The following SV2B variants were observed in gnomAD, a reference collection of about 807,000 sequenced individuals.
SV2B encodes synaptic vesicle glycoprotein 2B.
In SV2B, 41 loss-of-function variants were observed where a neutral mutation model predicts 73.9. The observed-to-expected ratio is 0.56, with a 90% CI of 0.43 to 0.72. The LOEUF (loss-of-function observed/expected upper bound fraction) is 0.72, where lower values mean the gene tolerates loss of function less well. Among genes scored for constraint, SV2B ranks in the 30% least tolerant of loss-of-function variants. SV2B has a pLI of 0.00. For missense variants in SV2B, 764 were observed against 857.8 expected, an observed-to-expected ratio of 0.89 and a Z score of 1.37; for synonymous variants, 314 against 314.2, an observed-to-expected ratio of 1.00 and a Z score of 0.01.
intron 9 of SV2B, among the ~76,000 whole-genome samples, chr15:91,270,188 C>A (rs546045488): frequency 6.6e-6 from 1 of 152,330 alleles, no homozygotes; most frequent in African/African-American, 2.4e-5. Flanking sequence ...GACCTCATTT[C>A]TGAAGTTCCC....
intron 1 of SV2B, among the ~76,000 whole-genome samples, chr15:91,142,918 AT>A (rs1248921872): frequency 6.6e-5 from 10 of 152,214 alleles, no homozygotes; most frequent in African/African-American, 2.4e-4. Context: ...ATACTCTTAC[AT>A]TTTTACAGCT....
chr15:91,194,551 A>T (rs1486624224), intron 1 of SV2B, among the ~76,000 whole-genome samples: 2 of 152,204 alleles, frequency 1.3e-5, no homozygotes, highest in Non-Finnish European at 2.9e-5. Context: ...CCTCTCTCTG[A>T]AACTTTCTGG....
intron 1 of SV2B, among the ~76,000 whole-genome samples, chr15:91,186,294 G>A (rs1334414103): frequency 7.5e-6 from 1 of 134,178 alleles, no homozygotes; most frequent in Non-Finnish European, 1.6e-5. Flanking sequence ...TTAATGAAAT[G>A]AACTATACAG....
chr15:91,281,061 G>A lies in SV2B; in HGVS notation c.1374-667G>A, dbSNP rs2048667442. ...CCATTATATGGCATCTATTACATATGTATGTATGTAGTAATCCATTGTTGT... is the reference window on the plus strand; with the variant it reads ...CCATTATATGGCATCTATTACATATATATGTATGTAGTAATCCATTGTTGT... On this transcript the variant is annotated intron_variant, in intron 9 of 12. Transcript: ENST00000394232. This position sits in a 1 kb window ranked among gnomAD's most constrained non-coding sequence, Gnocchi z 4.7. 6.6e-6 allele frequency among the ~76,000 whole-genome samples: 1 copy of A among 152,146 alleles called. No homozygotes were observed. Among genetic ancestry groups the A allele is most frequent in the African/African-American group, 2.4e-5 (1 of 41,416 alleles).
rs1037580021 is a variant in SV2B, at chr15:91,224,936, G to A, written c.-391-937G>A. ...AATTGGGATATAGGATGAGATCTTG[G>A]CTCTAGACAACATTGCCTCCTGGTG... On this transcript the variant is annotated intron_variant, in intron 1 of 12. Transcript: ENST00000394232. The surrounding 1 kb of genome is among the most constrained non-coding windows in gnomAD (Gnocchi z 4.9). Among the ~76,000 whole-genome samples the A allele has an allele frequency of 4.6e-5, 7 of 152,100 alleles. No individual in the cohort carries two copies. Among genetic ancestry groups the A allele is most frequent in the Non-Finnish European group, 8.8e-5 (6 of 68,026 alleles).
In SV2B at chr15:91,205,383, TTA is replaced by T. The variant is rs571540663; in HGVS notation, c.-391-20489_-391-20488del. 5.2e-3 allele frequency among the ~76,000 whole-genome samples: 790 copies of T among 152,066 alleles called. 4 individuals carry two copies. Among genetic ancestry groups the T allele is most frequent in the African/African-American group, 0.018 (738 of 41,504 alleles). On this transcript the variant is annotated intron_variant, in intron 1 of 12. Transcript: ENST00000394232. ...AGGATAACATTTCTTTTTTTTTTTT[TTA>T]AACACAGGGTCTCACTCTGTTGCCC... is the stretch of plus-strand genomic sequence containing the variant.
chr15:91,268,596 T>A lies in SV2B; in HGVS notation c.1364T>A (p.Val455Glu). The A allele has an allele frequency of 6.2e-7, 1 of 1,613,074 alleles. No homozygotes were observed. The highest frequency in any genetic ancestry group is 1.3e-5 in the African/African-American group (1 of 75,048). ...CAGATCCACCAACATGGGAAACTTGTGAATGATAAGTAAGTGAGTGATCAC... is the reference window on the plus strand; with the variant it reads ...CAGATCCACCAACATGGGAAACTTGAGAATGATAAGTAAGTGAGTGATCAC... ...ENQIHQHGKL[V>E]NDKFTRMYFK... is the part of the protein sequence containing the mutation. Residue 455 changes from valine to glutamate, a missense_variant, in exon 9 of 13, where the codon GTG (valine) becomes GAG (glutamate). Coordinates refer to ENST00000394232, the MANE Select transcript of SV2B (RefSeq NM_001323032.3). This position sits in a 1 kb window ranked among gnomAD's most constrained non-coding sequence, Gnocchi z 4.4.
At chr15:91,163,855 T>C (rs2043815316) in intron 1 of SV2B, among the ~76,000 whole-genome samples, 1 of 152,234 alleles carries the variant, frequency 6.6e-6, no homozygotes, top group Admixed American at 6.5e-5. Flanking sequence ...ATGTCCTGAA[T>C]GGTATTGCCT....
rs967770734 is a variant in SV2B, at chr15:91,138,604, CTTT to C, written c.-392+38247_-392+38249del. ...TGCATCTGTACTAAATGGGTACAGA[CTTT>C]TTTTTCTTGTAATTATTCCCAAAAC... is the stretch of plus-strand genomic sequence containing the variant. On this transcript the variant is annotated intron_variant, in intron 1 of 12. Coordinates refer to ENST00000394232, the MANE Select transcript of SV2B (RefSeq NM_001323032.3). Among the ~76,000 whole-genome samples the C allele has an allele frequency of 3.3e-5, 5 of 151,986 alleles. No individual in the cohort carries two copies. In the South Asian group the frequency reaches 1.0e-3, roughly 32 times the overall value.
intron 2 of SV2B, among the ~76,000 whole-genome samples, chr15:91,249,414 A>G (rs1168921819): frequency 6.6e-6 from 1 of 152,208 alleles, no homozygotes; most frequent in Non-Finnish European, 1.5e-5. Context: ...TCACTCATAG[A>G]TAATCATACA....
At chr15:91,291,482 T>C (rs1471360501) in intron 12 of SV2B, among the ~76,000 whole-genome samples, 1 of 152,130 alleles carries the variant, frequency 6.6e-6, no homozygotes, top group Admixed American at 6.5e-5. Flanking sequence ...AGAGGTAGCA[T>C]TGGGAATATT....
In SV2B at chr15:91,268,583, C is replaced by T. The variant is rs747795228; in HGVS notation, c.1351C>T (p.His451Tyr). The T allele has an allele frequency of 6.2e-7, 1 of 1,613,442 alleles. No homozygotes were observed. Among genetic ancestry groups the T allele is most frequent in the Non-Finnish European group, 8.5e-7 (1 of 1,179,440 alleles). ...CACGATGGAAAATCAGATCCACCAA[C>T]ATGGGAAACTTGTGAATGATAAGTA... ...NFTMENQIHQHGKLVNDKFTR... is the reference protein window; with the variant it reads ...NFTMENQIHQYGKLVNDKFTR... Residue 451 changes from histidine to tyrosine, a missense_variant, in exon 9 of 13, where the codon CAT (histidine) becomes TAT (tyrosine). By Grantham distance (83) the His-to-Tyr change is moderately conservative. Transcript: ENST00000394232. This position sits in a 1 kb window ranked among gnomAD's most constrained non-coding sequence, Gnocchi z 4.4.
chr15:91,218,622 C>T (rs1363838960), intron 1 of SV2B, among the ~76,000 whole-genome samples: 3 of 152,164 alleles, frequency 2.0e-5, no homozygotes, highest in African/African-American at 7.2e-5. Context: ...AACATTTTCT[C>T]GGGCTTTGTC....
chr15:91,248,188 G>T (rs981068672), intron 2 of SV2B, among the ~76,000 whole-genome samples: 1 of 152,114 alleles, frequency 6.6e-6, no homozygotes, highest in African/African-American at 2.4e-5. Context: ...GGGCGTGGTG[G>T]TGGGCGCCTG....
Position 91,252,628 on chromosome 15 carries a change from G to T in SV2B, c.784+108G>T. The T allele has an allele frequency of 1.7e-6, 2 of 1,201,742 alleles. No individual in the cohort carries two copies. Among genetic ancestry groups the T allele is most frequent in the South Asian group, 5.8e-5 (2 of 34,410 alleles). The allele number at this position is 1,201,742 out of a possible 1,614,324, so 74.4% of individuals were successfully genotyped here. On this transcript the variant is annotated intron_variant, in intron 4 of 12. Transcript: ENST00000394232. This position sits in a 1 kb window ranked among gnomAD's most constrained non-coding sequence, Gnocchi z 4.6. Reference sequence around the variant, plus strand: ...TTCCATGTACTCACGCACAGTTCCCGTACGTGACCTTGATCTTTCTTAACA... The same window carrying T: ...TTCCATGTACTCACGCACAGTTCCCTTACGTGACCTTGATCTTTCTTAACA...
rs566361804 is a variant in SV2B at position 91,191,584 on chromosome 15, G to A, written c.-391-34289G>A. ...TTGGCTGTAAATCCCAAGGTGTCTC[G>A]CTGCTTTTGGAGTTGAACTCAGCTC... On this transcript the variant is annotated intron_variant, in intron 1 of 12. Coordinates refer to ENST00000394232, the MANE Select transcript of SV2B (RefSeq NM_001323032.3). Among the ~76,000 whole-genome samples, 18 of 152,184 alleles carry A rather than the reference G, an allele frequency of 1.2e-4. No individual in the cohort carries two copies. The East Asian group carries it at 3.3e-3, about 28-fold the overall frequency.
chr15:91,106,194 A>C lies in SV2B; in HGVS notation c.-392+5831A>C, dbSNP rs1436534323. 6.6e-6 allele frequency among the ~76,000 whole-genome samples: 1 copy of C among 152,234 alleles called. No individual in the cohort carries two copies. Among genetic ancestry groups the C allele is most frequent in the Non-Finnish European group, 1.5e-5 (1 of 68,038 alleles). ...AAGCAGCTGGATGGAGTAGCACTTT[A>C]GTGAGGTGGAGAGGAAACAGTGATG... is the stretch of plus-strand genomic sequence containing the variant. On this transcript the variant is annotated intron_variant, in intron 1 of 12. Transcript: ENST00000394232. This position sits in a 1 kb window ranked among gnomAD's most constrained non-coding sequence, Gnocchi z 4.4.
rs950011372 is a variant in SV2B, at chr15:91,289,501, C to T, written c.1709-20C>T. The T allele has an allele frequency of 6.2e-7, 1 of 1,614,036 alleles. No homozygotes were observed. Among genetic ancestry groups the T allele is most frequent in the Non-Finnish European group, 8.5e-7 (1 of 1,179,968 alleles). ...GACACAGGCCTCATGTTTCTTTTTG[C>T]CCTTGAACTCCCTCTGCAGGTGGCT... On this transcript the variant is annotated intron_variant, in intron 11 of 12. Coordinates refer to ENST00000394232, the MANE Select transcript of SV2B (RefSeq NM_001323032.3). This position sits in a 1 kb window ranked among gnomAD's most constrained non-coding sequence, Gnocchi z 4.9.
Position 91,137,474 on chromosome 15 carries a change from G to A in SV2B, c.-392+37111G>A, listed in dbSNP as rs1567281865. ...AGTAACTGTGTGTCAGGCATGAGGT[G>A]GAAGACAAATTACATGTATATTTAC... On this transcript the variant is annotated intron_variant, in intron 1 of 12. Transcript: ENST00000394232. The surrounding 1 kb of genome is among the most constrained non-coding windows in gnomAD (Gnocchi z 4.9). Among the ~76,000 whole-genome samples the A allele has an allele frequency of 6.6e-6, 1 of 151,108 alleles. No homozygotes were observed. Among genetic ancestry groups the A allele is most frequent in the Non-Finnish European group, 1.5e-5 (1 of 67,852 alleles).
Sources: gnomAD v4.1 joint callset for allele counts (sites outside exome capture counted in the v4.1 genomes callset) on GRCh38, gnomAD v4.1.1 for gene constraint, Gnocchi (gnomAD v3.1) non-coding constraint, MANE v1.5 for transcripts, NCBI Gene and HGNC (gene_info 2026-07-23, HGNC 2026-07-21) for gene names.